MYO16: variants seen among roughly 807,000 people sequenced by gnomAD.
The protein encoded by MYO16 is unconventional myosin-XVI.
In MYO16, 94 loss-of-function variants were observed where a neutral mutation model predicts 205.3. That is an observed-to-expected ratio of 0.46 (90% CI 0.39 to 0.54). The LOEUF (loss-of-function observed/expected upper bound fraction) is 0.54, where lower values mean the gene tolerates loss of function less well. Ranked by LOEUF, MYO16 falls within the 20% of genes least tolerant of loss-of-function variation. The pLI is 0.00. For missense variants in MYO16, 2,315 were observed against 2,387.5 expected, an observed-to-expected ratio of 0.97 and a Z score of 0.63; for synonymous variants, 988 against 954.0, an observed-to-expected ratio of 1.04 and a Z score of -0.66.
At chr13:108,719,085 T>G (rs540944201) in intron 3 of MYO16, among the ~76,000 whole-genome samples, 150 of 152,232 alleles carry the variant, frequency 9.9e-4, no homozygotes, top group African/African-American at 3.5e-3. Flanking sequence ...GATTTTGTGT[T>G]TCGTTTTGTT....
intron 2 of MYO16, among the ~76,000 whole-genome samples, chr13:108,682,604 G>C (rs1388314093): frequency 1.3e-5 from 2 of 151,910 alleles, no homozygotes; most frequent in African/African-American, 2.4e-5. Context: ...TAACATCAAG[G>C]GGAAAGAAAA....
chr13:108,928,510 A>G (rs1313190792), intron 16 of MYO16, among the ~76,000 whole-genome samples: 1 of 152,232 alleles, frequency 6.6e-6, no homozygotes, highest in Non-Finnish European at 1.5e-5. Context: ...TTGCATTTGA[A>G]TAAGTCATGT....
At chr13:109,100,314 C>T (rs550025707) in intron 27 of MYO16, among the ~76,000 whole-genome samples, 1 of 152,204 alleles carries the variant, frequency 6.6e-6, no homozygotes, top group East Asian at 1.9e-4. Context: ...GGGGAAGAAG[C>T]GATTCTACCT....
the MYO16 span, among the ~76,000 whole-genome samples, chr13:108,510,459 C>CTTT: frequency 3.2e-4 from 8 of 25,390 alleles, no homozygotes; most frequent in African/African-American, 9.0e-4. Flanking sequence ...ACATTGATAG[C>CTTT]TGTTTTTTTT....
rs189180579 is a variant in MYO16, at chr13:108,663,578, T to C, written c.29-2308T>C. ...AATTATGGTCTTTGAGTTTTCCAAA[T>C]CATAAAGGAAAATAAGAAAATTGAT... On this transcript the variant is annotated intron_variant, in intron 1 of 34. Coordinates refer to ENST00000457511, the MANE Select transcript of MYO16 (RefSeq NM_001198950.3). 1.7e-3 allele frequency among the ~76,000 whole-genome samples: 260 copies of C among 152,244 alleles called. 1 individual carries two copies. The highest frequency in any genetic ancestry group is 5.9e-3 in the African/African-American group (244 of 41,556).
At chr13:108,763,607 C>G (rs908583537) in intron 4 of MYO16, among the ~76,000 whole-genome samples, 5 of 152,060 alleles carry the variant, frequency 3.3e-5, no homozygotes, top group Admixed American at 3.3e-4. Context: ...AGAATGACTT[C>G]CAGATGGGAG....
At chr13:108,832,388 C>T (rs911534314) in intron 9 of MYO16, among the ~76,000 whole-genome samples, 3 of 151,668 alleles carry the variant, frequency 2.0e-5, no homozygotes, top group African/African-American at 4.8e-5. Context: ...GTGATCCACC[C>T]GCCTCAGCCT....
At chr13:108,990,893 G>A (rs1487450379) in intron 20 of MYO16, among the ~76,000 whole-genome samples, 1 of 152,080 alleles carries the variant, frequency 6.6e-6, no homozygotes, top group African/African-American at 2.4e-5. Flanking sequence ...TACTGTACGT[G>A]AAAAACAAAA....
At chr13:109,044,983 C>T (rs975274983) in intron 23 of MYO16, among the ~76,000 whole-genome samples, 6 of 152,268 alleles carry the variant, frequency 3.9e-5, no homozygotes, top group South Asian at 2.1e-4. Flanking sequence ...CCACCGCACT[C>T]GGCCCTAAGA....
the MYO16 span, among the ~76,000 whole-genome samples, chr13:108,588,424 C>T: frequency 6.6e-6 from 1 of 152,130 alleles, no homozygotes; most frequent in Non-Finnish European, 1.5e-5. Context: ...CATAAAACAT[C>T]GTTTCCTCTG....
At position 108,844,491 on chromosome 13, in the gene MYO16, C is replaced by A. The variant is rs183521986; in HGVS notation, c.1246C>A (p.Gln416Lys). The change falls in exon 10 of 35, where the codon CAG becomes AAG. Residue 416 changes from glutamine to lysine, a missense_variant and splice_region_variant. Transcript: ENST00000457511. Reference protein sequence around the residue: ...PMMSGSTKPEQVKLMPPAPND... With the variant: ...PMMSGSTKPEKVKLMPPAPND... ...GATGAGCGGTTCCACCAAACCCGAG[C>A]AGGTAATCATGCTTTCACTGTGTGT... The A allele has an allele frequency of 9.4e-6, 15 of 1,604,200 alleles. No individual in the cohort carries two copies. The Admixed American group carries it at 1.3e-4, about 14-fold the overall frequency.
At chr13:108,657,877 A>G (rs1425842602) in intron 1 of MYO16, among the ~76,000 whole-genome samples, 3 of 152,196 alleles carry the variant, frequency 2.0e-5, no homozygotes, top group Non-Finnish European at 4.4e-5. Flanking sequence ...TAAAAGCAGC[A>G]ATAAAGGGCC....
intron 9 of MYO16, among the ~76,000 whole-genome samples, chr13:108,829,561 C>T (rs897826779): frequency 1.3e-5 from 2 of 152,108 alleles, no homozygotes; most frequent in Non-Finnish European, 2.9e-5. Flanking sequence ...TGTGTGGGGG[C>T]TGAGTCGCCA....
At chr13:108,885,245 G>A (rs1879812939) in intron 13 of MYO16, among the ~76,000 whole-genome samples, 1 of 152,190 alleles carries the variant, frequency 6.6e-6, no homozygotes, top group Non-Finnish European at 1.5e-5. Context: ...TCAGCCTCCT[G>A]AGTAGCTGGA....
intron 4 of MYO16, among the ~76,000 whole-genome samples, chr13:108,772,143 A>G (rs1045408781): frequency 2.0e-5 from 3 of 152,126 alleles, no homozygotes; most frequent in African/African-American, 7.2e-5. Flanking sequence ...GAGCCCACAA[A>G]TTAGAGACAA....
intron 16 of MYO16, among the ~76,000 whole-genome samples, chr13:108,923,461 G>A (rs1332731967): frequency 2.6e-5 from 4 of 152,244 alleles, no homozygotes; most frequent in Admixed American, 6.5e-5. Flanking sequence ...GGAGGGATCC[G>A]TCCAGGCAGA....
intron 27 of MYO16, among the ~76,000 whole-genome samples, chr13:109,058,364 C>A (rs1279187345): frequency 6.6e-6 from 1 of 152,120 alleles, no homozygotes; most frequent in African/African-American, 2.4e-5. Flanking sequence ...GACTGGTATG[C>A]AGTTGAAGTT....
intron 32 of MYO16, among the ~76,000 whole-genome samples, chr13:109,144,975 G>GT (rs1877263102): frequency 6.6e-6 from 1 of 152,158 alleles, no homozygotes; most frequent in African/African-American, 2.4e-5. Context: ...GCCCAAACCA[G>GT]TTCATTTTCT....
chr13:108,813,054 A>T (rs1018348992), intron 7 of MYO16, among the ~76,000 whole-genome samples: 12 of 152,326 alleles, frequency 7.9e-5, no homozygotes, highest in Non-Finnish European at 1.5e-4. Flanking sequence ...GGAAAGTTCC[A>T]TAAAAGGAGA....
Sources: allele counts gnomAD v4.1 joint callset (sites outside exome capture counted in the v4.1 genomes callset), GRCh38; gene constraint gnomAD v4.1.1; transcripts MANE v1.5; gene names NCBI Gene and HGNC (gene_info 2026-07-23, HGNC 2026-07-21).